Variants in PCDHGA12 observed in about 807,000 individuals in gnomAD.
PCDHGA12 encodes the protein protocadherin gamma subfamily A, 12, also known as protocadherin gamma-A12.
A neutral mutation model predicts 61.1 loss-of-function variants in PCDHGA12; 43 were observed. That is an observed-to-expected ratio of 0.70 (90% CI 0.55 to 0.91). The LOEUF is 0.91. Ranked by LOEUF, PCDHGA12 falls within the 40% of genes least tolerant of loss-of-function variation. PCDHGA12 has a pLI of 0.00. For synonymous variants in PCDHGA12, 520 were observed against 542.9 expected (o/e 0.96, Z 0.59); for missense variants, 1,236 against 1,227.7 (o/e 1.01, Z -0.10).
chr5:141,486,148 G>A lies in PCDHGA12; in HGVS notation c.2425-8659G>A. On this transcript the variant is annotated intron_variant, in intron 1 of 3. Coordinates refer to ENST00000252085, the MANE Select transcript of PCDHGA12 (RefSeq NM_003735.3). This position sits in a 1 kb window ranked among gnomAD's most constrained non-coding sequence, Gnocchi z 5.0. ...AATTTGATGTGCGGGCTCGCGATGG[G>A]GGTTCTCCAGCCATGGAGCAACATT... 2 of 1,614,164 alleles carry A rather than the reference G, an allele frequency of 1.2e-6. No homozygotes were observed. The highest frequency in any genetic ancestry group is 1.7e-6 in the Non-Finnish European group (2 of 1,180,026).
chr5:141,479,733 A>G (rs2099504879), intron 1 of PCDHGA12: 1 of 152,254 alleles, frequency 6.6e-6, no homozygotes, highest in Admixed American at 6.5e-5. Context: ...TTTCTTAAGT[A>G]TATGCACAAT....
chr5:141,452,002 T>C (rs965343762), intron 1 of PCDHGA12, among the ~76,000 whole-genome samples: 1 of 152,220 alleles, frequency 6.6e-6, no homozygotes, highest in African/African-American at 2.4e-5. Context: ...GCAAAATCAC[T>C]TGGTCCAGCC....
At chr5:141,488,020 T>C (rs985558790) in intron 1 of PCDHGA12, among the ~76,000 whole-genome samples, 3 of 152,174 alleles carry the variant, frequency 2.0e-5, no homozygotes, top group African/African-American at 7.2e-5. Context: ...GTACCTTAAC[T>C]CTAGGTTACC....
chr5:141,487,455 A>G lies in PCDHGA12; in HGVS notation c.2425-7352A>G, dbSNP rs751456631. 6.2e-7 allele frequency: 1 copy of G among 1,614,122 alleles called. No individual in the cohort carries two copies. The highest frequency in any genetic ancestry group is 8.5e-7 in the Non-Finnish European group (1 of 1,180,032). On this transcript the variant is annotated intron_variant, in intron 1 of 3. Coordinates refer to ENST00000252085, the MANE Select transcript of PCDHGA12 (RefSeq NM_003735.3). The surrounding 1 kb of genome is among the most constrained non-coding windows in gnomAD (Gnocchi z 5.0). ...CAGCTAGGGTCAGATGACCCTATCA[A>G]GTTTGTTGATGTGGGAGGCCACTCT...
At chr5:141,509,071 G>T (rs1209992467) in intron 3 of PCDHGA12, among the ~76,000 whole-genome samples, 1 of 152,176 alleles carries the variant, frequency 6.6e-6, no homozygotes, top group Admixed American at 6.5e-5. Flanking sequence ...CAGCTCCGGG[G>T]ATTTGCGACA....
intron 1 of PCDHGA12, among the ~76,000 whole-genome samples, chr5:141,459,111 A>G (rs2098961190): frequency 1.3e-5 from 2 of 152,218 alleles, no homozygotes; most frequent in Non-Finnish European, 2.9e-5. Flanking sequence ...CATTTTGACA[A>G]TTGTTTACAT....
intron 1 of PCDHGA12, among the ~76,000 whole-genome samples, chr5:141,450,894 G>A (rs919860611): frequency 2.7e-5 from 4 of 148,956 alleles, no homozygotes; most frequent in Admixed American, 1.3e-4. Context: ...GTGCGATATC[G>A]GCTCACTGCA....
At chr5:141,507,786 GTCTAAGCC>G (rs1279265471) in intron 3 of PCDHGA12, among the ~76,000 whole-genome samples, 1 of 152,174 alleles carries the variant, frequency 6.6e-6, no homozygotes, top group Admixed American at 6.5e-5. Flanking sequence ...CCTGACCCTC[GTCTAAGCC>G]TGCGCCCTGG....
At chr5:141,454,203 T>C (rs981646952) in intron 1 of PCDHGA12, among the ~76,000 whole-genome samples, 2 of 152,148 alleles carry the variant, frequency 1.3e-5, no homozygotes, top group African/African-American at 4.8e-5. Flanking sequence ...GGTGAATTTA[T>C]TGACATGAAT....
In PCDHGA12 at chr5:141,430,583, C is replaced by A; in HGVS notation, c.-177C>A. On this transcript the variant is annotated 5_prime_UTR_variant, in exon 1 of 4. Transcript: ENST00000252085. ...GGGAGAGAAAAGCGGAGATCCTGCT[C>A]GCCTTGCACGCGCCTGAAGCACAAA... 1 of 490,378 alleles carries A rather than the reference C, an allele frequency of 2.0e-6. No homozygotes were observed. The highest frequency in any genetic ancestry group is 3.4e-6 in the Non-Finnish European group (1 of 296,522). The allele number at this position is 490,378 out of a possible 1,614,324, so 30.4% of individuals were successfully genotyped here.
intron 2 of PCDHGA12, among the ~76,000 whole-genome samples, chr5:141,502,478 A>G (rs2099814452): frequency 6.6e-6 from 1 of 150,896 alleles, no homozygotes; most frequent in Non-Finnish European, 1.5e-5. Flanking sequence ...CCGCAGCATC[A>G]CACTGGGACT....
At chr5:141,499,966 G>A (rs1403177792) in intron 2 of PCDHGA12, among the ~76,000 whole-genome samples, 1 of 151,988 alleles carries the variant, frequency 6.6e-6, no homozygotes, top group African/African-American at 2.4e-5. Flanking sequence ...GGGATTACAG[G>A]TGTGAGCCAC....
At chr5:141,443,604 G>A (rs1561911807) in intron 1 of PCDHGA12, among the ~76,000 whole-genome samples, 1 of 152,194 alleles carries the variant, frequency 6.6e-6, no homozygotes, top group Non-Finnish European at 1.5e-5. Context: ...TATATGAAAT[G>A]TTCTTATAAT....
intron 1 of PCDHGA12, among the ~76,000 whole-genome samples, chr5:141,474,120 T>C (rs2099343213): frequency 6.6e-6 from 1 of 151,910 alleles, no homozygotes; most frequent in Non-Finnish European, 1.5e-5. Flanking sequence ...ACAACGAAAA[T>C]CTCAGAAAAC....
intron 3 of PCDHGA12, among the ~76,000 whole-genome samples, chr5:141,510,034 T>A (rs2099879281): frequency 6.6e-6 from 1 of 152,156 alleles, no homozygotes; most frequent in Non-Finnish European, 1.5e-5. Flanking sequence ...TGGGCTGTTA[T>A]GTAGAGGTTA....
chr5:141,474,430 C>T (rs2099349577), intron 1 of PCDHGA12, among the ~76,000 whole-genome samples: 1 of 152,212 alleles, frequency 6.6e-6, no homozygotes, highest in African/African-American at 2.4e-5. Flanking sequence ...TTGGTCCTCA[C>T]ACTTTGAGTA....
rs770219250 is a variant in PCDHGA12, at chr5:141,477,852, T to C, written c.2425-16955T>C. Reference sequence around the variant, plus strand: ...CGGCCAGGTGGGAGCTCGGTGGAGATGCTGCCTCGAGGTACCTCAGCTGGC... The same window carrying C: ...CGGCCAGGTGGGAGCTCGGTGGAGACGCTGCCTCGAGGTACCTCAGCTGGC... On this transcript the variant is annotated intron_variant, in intron 1 of 3. Transcript: ENST00000252085. This position sits in a 1 kb window ranked among gnomAD's most constrained non-coding sequence, Gnocchi z 4.9. The C allele has an allele frequency of 6.2e-7, 1 of 1,613,654 alleles. No homozygotes were observed. Among genetic ancestry groups the C allele is most frequent in the Admixed American group, 1.7e-5 (1 of 59,980 alleles).
chr5:141,465,049 T>G (rs546927594), intron 1 of PCDHGA12, among the ~76,000 whole-genome samples: 1 of 152,016 alleles, frequency 6.6e-6, no homozygotes, highest in Non-Finnish European at 1.5e-5. Flanking sequence ...ACCCTATATA[T>G]TTTTTTGAAT....
chr5:141,476,803 T>G lies in PCDHGA12; in HGVS notation c.2425-18004T>G, dbSNP rs756358461. 3 of 1,613,688 alleles carry G rather than the reference T, an allele frequency of 1.9e-6. No individual in the cohort carries two copies. The highest frequency in any genetic ancestry group is 2.2e-5 in the South Asian group (2 of 91,092). ...CCCCAGCTCTCTCCGCCAGCCTGCCTATTCACATCAAGGTGCTGGACGCGA... is the reference window on the plus strand; with the variant it reads ...CCCCAGCTCTCTCCGCCAGCCTGCCGATTCACATCAAGGTGCTGGACGCGA... On this transcript the variant is annotated intron_variant, in intron 1 of 3. Transcript: ENST00000252085. The surrounding 1 kb of genome is among the most constrained non-coding windows in gnomAD (Gnocchi z 7.6).
Sources: allele counts gnomAD v4.1 joint callset (sites outside exome capture counted in the v4.1 genomes callset), GRCh38; gene constraint gnomAD v4.1.1; non-coding constraint Gnocchi (gnomAD v3.1); transcripts MANE v1.5; gene names NCBI Gene and HGNC (gene_info 2026-07-23, HGNC 2026-07-21).